The following SEMA5A variants were observed in gnomAD, a reference collection of about 807,000 sequenced individuals.
The protein encoded by SEMA5A is semaphorin 5A, also known as semaphorin-5A.
Under a neutral mutation model 135.5 loss-of-function variants are expected in SEMA5A, and 55 were observed. That is an observed-to-expected ratio of 0.41 (90% CI 0.33 to 0.51). The LOEUF is 0.51. Ranked by LOEUF, SEMA5A falls within the 20% of genes least tolerant of loss-of-function variation. SEMA5A has a pLI of 0.37. For missense variants in SEMA5A, 1,290 were observed against 1,419.9 expected, an observed-to-expected ratio of 0.91 and a Z score of 1.47; for synonymous variants, 580 against 546.5, an observed-to-expected ratio of 1.06 and a Z score of -0.85.
intron 6 of SEMA5A, among the ~76,000 whole-genome samples, chr5:9,234,270 C>G (rs746493559): frequency 6.6e-6 from 1 of 152,152 alleles, no homozygotes; most frequent in Non-Finnish European, 1.5e-5. Context: ...TCCAGTTGCC[C>G]CTGTTCATAG....
At position 9,154,470 on chromosome 5, in the gene SEMA5A, AC is replaced by A; in HGVS notation, c.1481+17del. ...TTCACACACACACCAGTGCATCCTG[AC>A]CCCGGAGATGCCCTACCTGCGTGTG... On this transcript the variant is annotated intron_variant, in intron 12 of 22. Coordinates refer to ENST00000382496, the MANE Select transcript of SEMA5A (RefSeq NM_003966.3). 6.2e-7 allele frequency: 1 copy of A among 1,610,644 alleles called. No individual in the cohort carries two copies. The highest frequency in any genetic ancestry group is 8.5e-7 in the Non-Finnish European group (1 of 1,179,016).
intron 1 of SEMA5A, among the ~76,000 whole-genome samples, chr5:9,523,723 C>A (rs1438699322): frequency 1.3e-5 from 2 of 152,180 alleles, no homozygotes; most frequent in Non-Finnish European, 2.9e-5. Flanking sequence ...ACTGAATTCT[C>A]TGGACAAGGT....
At chr5:9,099,925 GAGAA>G (rs1279414043) in intron 16 of SEMA5A, among the ~76,000 whole-genome samples, 1 of 152,202 alleles carries the variant, frequency 6.6e-6, no homozygotes, top group Non-Finnish European at 1.5e-5. Context: ...TCTGTGTGCA[GAGAA>G]AGAAAGGGCC....
chr5:9,319,196 C>A (rs1417431682), intron 4 of SEMA5A, among the ~76,000 whole-genome samples: 2 of 151,794 alleles, frequency 1.3e-5, no homozygotes, highest in Non-Finnish European at 2.9e-5. Context: ...AGGGCGAGAC[C>A]CTGTCTCAAA....
At chr5:9,163,751 T>A (rs889464914) in intron 11 of SEMA5A, among the ~76,000 whole-genome samples, 1 of 151,758 alleles carries the variant, frequency 6.6e-6, no homozygotes, top group African/African-American at 2.4e-5. Flanking sequence ...AGTGTTGTCC[T>A]TATAAAAAGA....
intron 1 of SEMA5A, among the ~76,000 whole-genome samples, chr5:9,474,454 A>C (rs1451120041): frequency 6.6e-6 from 1 of 151,712 alleles, no homozygotes; most frequent in Non-Finnish European, 1.5e-5. Context: ...AAAAAGACGC[A>C]AGAGTAAATA....
chr5:9,354,594 T>A (rs1334423336), intron 3 of SEMA5A, among the ~76,000 whole-genome samples: 1 of 152,204 alleles, frequency 6.6e-6, no homozygotes, highest in African/African-American at 2.4e-5. Context: ...AACGTGTACC[T>A]ACTCTGTGCC....
chr5:9,476,106 C>T (rs1759658292), intron 1 of SEMA5A, among the ~76,000 whole-genome samples: 1 of 152,170 alleles, frequency 6.6e-6, no homozygotes, highest in African/African-American at 2.4e-5. Context: ...ATAGATACAT[C>T]ATTCTATGTA....
intron 4 of SEMA5A, among the ~76,000 whole-genome samples, chr5:9,322,549 G>C (rs995700045): frequency 3.3e-5 from 5 of 152,046 alleles, no homozygotes; most frequent in Non-Finnish European, 7.4e-5. Flanking sequence ...GATAAAAATT[G>C]GTGATTATTT....
At chr5:9,322,175 A>C (rs1384263307) in intron 4 of SEMA5A, among the ~76,000 whole-genome samples, 1 of 152,166 alleles carries the variant, frequency 6.6e-6, no homozygotes, top group Non-Finnish European at 1.5e-5. Flanking sequence ...AAGCAAATAT[A>C]ACTCTTCTGA....
chr5:9,478,218 C>G (rs967733696), intron 1 of SEMA5A, among the ~76,000 whole-genome samples: 1 of 152,200 alleles, frequency 6.6e-6, no homozygotes, highest in Non-Finnish European at 1.5e-5. Flanking sequence ...ATGGAAACAC[C>G]TGGATGTCGA....
At chr5:9,504,721 T>C (rs932602461) in intron 1 of SEMA5A, among the ~76,000 whole-genome samples, 8 of 152,232 alleles carry the variant, frequency 5.3e-5, no homozygotes, top group African/African-American at 1.9e-4. Flanking sequence ...AATCAGTGAA[T>C]GAGGGCAAAG....
At chr5:9,525,756 T>C (rs974325705) in intron 1 of SEMA5A, among the ~76,000 whole-genome samples, 2 of 152,194 alleles carry the variant, frequency 1.3e-5, no homozygotes, top group Admixed American at 1.3e-4. Flanking sequence ...GTTTCAGAGA[T>C]CAAAATTCTT....
chr5:9,340,908 A>T (rs1753618664), intron 3 of SEMA5A, among the ~76,000 whole-genome samples: 3 of 152,138 alleles, frequency 2.0e-5, no homozygotes, highest in African/African-American at 7.2e-5. Context: ...TTCCCAACAG[A>T]TCAGAGAAAA....
intron 16 of SEMA5A, among the ~76,000 whole-genome samples, chr5:9,090,758 T>A (rs1297215754): frequency 6.6e-6 from 1 of 152,156 alleles, no homozygotes; most frequent in Non-Finnish European, 1.5e-5. Flanking sequence ...CTCAAGCGAT[T>A]TTCCAAGAGT....
At chr5:9,346,032 C>T (rs1561169415) in intron 3 of SEMA5A, among the ~76,000 whole-genome samples, 1 of 152,084 alleles carries the variant, frequency 6.6e-6, no homozygotes, top group Admixed American at 6.5e-5. Context: ...AAAGTGACAA[C>T]TTATATTCTG....
At chr5:9,500,036 C>G (rs1158110445) in intron 1 of SEMA5A, among the ~76,000 whole-genome samples, 1 of 152,168 alleles carries the variant, frequency 6.6e-6, no homozygotes, top group African/African-American at 2.4e-5. Flanking sequence ...CAGTATCCAT[C>G]TGTTACTCAT....
In SEMA5A at chr5:9,301,431, A is replaced by C. The variant is rs143188968; in HGVS notation, c.270+16941T>G. Among the ~76,000 whole-genome samples the C allele has an allele frequency of 4.9e-3, 742 of 152,320 alleles. 6 individuals are homozygous for C. Among genetic ancestry groups the C allele is most frequent in the African/African-American group, 0.017 (707 of 41,576 alleles). On this transcript the variant is annotated intron_variant, in intron 5 of 22. Coordinates refer to ENST00000382496, the MANE Select transcript of SEMA5A (RefSeq NM_003966.3). ...CTCTCTGGCAAGTGATAAAAACTCAATGCCAACTAGGTTACGCCAAAAACA... is the reference window on the plus strand; with the variant it reads ...CTCTCTGGCAAGTGATAAAAACTCACTGCCAACTAGGTTACGCCAAAAACA...
intron 12 of SEMA5A, among the ~76,000 whole-genome samples, chr5:9,154,062 A>AAAAAT (rs1159261162): frequency 1.5e-5 from 1 of 68,298 alleles, no homozygotes; most frequent in African/African-American, 4.7e-5. Context: ...AAAAAAAAAA[A>AAAAAT]ATATATATAT....
Sources: gnomAD v4.1 joint callset for allele counts (sites outside exome capture counted in the v4.1 genomes callset) on GRCh38, gnomAD v4.1.1 for gene constraint, MANE v1.5 for transcripts, NCBI Gene and HGNC (gene_info 2026-07-23, HGNC 2026-07-21) for gene names.